BNC2: variants seen among roughly 807,000 people sequenced by gnomAD.
BNC2 encodes the protein zinc finger protein basonuclin-2.
A neutral mutation model predicts 76.3 loss-of-function variants in BNC2; 20 were observed. The observed-to-expected ratio is 0.26, with a 90% CI of 0.18 to 0.38. BNC2 has a LOEUF of 0.38. BNC2 is among the 10% of genes least tolerant of loss of function. The probability of loss-of-function intolerance (pLI) is 1.00; values close to 1 mark genes in which losing one functional copy is unlikely to be tolerated. For synonymous variants in BNC2, 582 were observed against 514.8 expected, an observed-to-expected ratio of 1.13 and a Z score of -1.77; for missense variants, 1,382 against 1,399.8, an observed-to-expected ratio of 0.99 and a Z score of 0.20.
chr9:16,579,508 C>T (rs572083473), intron 4 of BNC2, among the ~76,000 whole-genome samples: 41 of 152,224 alleles, frequency 2.7e-4, no homozygotes, highest in African/African-American at 9.2e-4. Context: ...GTCTTGAACT[C>T]CTGGGCTCAA....
At chr9:16,715,869 T>A (rs1823984058) in intron 3 of BNC2, among the ~76,000 whole-genome samples, 1 of 152,202 alleles carries the variant, frequency 6.6e-6, no homozygotes, top group Non-Finnish European at 1.5e-5. Flanking sequence ...GAAGAGGGTG[T>A]TCTCAGAACA....
intron 5 of BNC2, among the ~76,000 whole-genome samples, chr9:16,509,936 T>C (rs1206631155): frequency 6.6e-6 from 1 of 152,214 alleles, no homozygotes; most frequent in African/African-American, 2.4e-5. Flanking sequence ...TAAGGTGACT[T>C]TGAGTGCAAG....
intron 1 of BNC2, among the ~76,000 whole-genome samples, chr9:16,799,546 C>G (rs953339364): frequency 2.6e-5 from 4 of 152,092 alleles, no homozygotes; most frequent in African/African-American, 9.7e-5. Flanking sequence ...AACTCCTGAC[C>G]TCAAGTAATC....
chr9:16,746,340 A>G (rs1406776505), intron 1 of BNC2, among the ~76,000 whole-genome samples: 3 of 151,916 alleles, frequency 2.0e-5, no homozygotes, highest in African/African-American at 7.2e-5. Flanking sequence ...AACCCTATGA[A>G]TCTTATTAAA....
rs118110682 is a variant in BNC2 at position 16,830,186 on chromosome 9, G to T, written c.3+40460C>A. On this transcript the variant is annotated intron_variant, in intron 1 of 6. Transcript: ENST00000380672. ...AAAATATCTAACGGTTTTCCAACAT[G>T]GTATAAACAAAAAACAAAACTGCAT... Among the ~76,000 whole-genome samples the T allele has an allele frequency of 1.7e-3, 263 of 152,162 alleles. No individual in the cohort carries two copies. The East Asian group carries it at 0.032, about 18-fold the overall frequency.
At chr9:16,859,555 G>T (rs1047715877) in intron 1 of BNC2, among the ~76,000 whole-genome samples, 4 of 152,138 alleles carry the variant, frequency 2.6e-5, no homozygotes, top group African/African-American at 9.7e-5. Context: ...CAACATAAAT[G>T]AACCTTAAGA....
chr9:16,479,387 A>G (rs1821998474), intron 5 of BNC2, among the ~76,000 whole-genome samples: 1 of 152,218 alleles, frequency 6.6e-6, no homozygotes, highest in Admixed American at 6.5e-5. Flanking sequence ...TTCAACTGCT[A>G]TCTCTCATGC....
intron 5 of BNC2, among the ~76,000 whole-genome samples, chr9:16,551,690 A>G (rs1396663406): frequency 6.6e-6 from 1 of 152,200 alleles, no homozygotes; most frequent in Non-Finnish European, 1.5e-5. Flanking sequence ...GATCTCCCAA[A>G]ATGCTGTTCT....
intron 3 of BNC2, among the ~76,000 whole-genome samples, chr9:16,673,112 T>G (rs1822529133): frequency 6.6e-6 from 1 of 152,190 alleles, no homozygotes; most frequent in African/African-American, 2.4e-5. Flanking sequence ...CATTCTCATA[T>G]AAAAGATAAT....
intron 5 of BNC2, among the ~76,000 whole-genome samples, chr9:16,539,562 GGA>G (rs1178835255): frequency 3.0e-4 from 40 of 131,506 alleles, no homozygotes; most frequent in African/African-American, 9.4e-4. Flanking sequence ...AGGGGGAGGG[GGA>G]GAGAGAGAGA....
chr9:16,610,428 A>G (rs1381407400), intron 3 of BNC2, among the ~76,000 whole-genome samples: 1 of 152,164 alleles, frequency 6.6e-6, no homozygotes, highest in Admixed American at 6.5e-5. Context: ...GTATGACAAG[A>G]AAGCAGACTA....
chr9:16,675,811 A>G (rs1169387592), intron 3 of BNC2, among the ~76,000 whole-genome samples: 1 of 152,148 alleles, frequency 6.6e-6, no homozygotes, highest in Non-Finnish European at 1.5e-5. Context: ...TCACAAGGGA[A>G]GCCGAGGCAG....
chr9:16,852,448 A>G (rs1380533104), intron 1 of BNC2, among the ~76,000 whole-genome samples: 1 of 152,216 alleles, frequency 6.6e-6, no homozygotes, highest in Non-Finnish European at 1.5e-5. Flanking sequence ...CTATTGATAA[A>G]GAATCCGTTC....
intron 3 of BNC2, among the ~76,000 whole-genome samples, chr9:16,701,682 C>T (rs10962545): frequency 6.6e-6 from 1 of 152,014 alleles, no homozygotes; most frequent in Non-Finnish European, 1.5e-5. Context: ...TGGCTCACAC[C>T]TGTAATCCCA....
chr9:16,852,832 C>A (rs1229071243), intron 1 of BNC2, among the ~76,000 whole-genome samples: 1 of 152,084 alleles, frequency 6.6e-6, no homozygotes, highest in Admixed American at 6.6e-5. Flanking sequence ...CAGAGAAAAA[C>A]CCCATGCAAA....
chr9:16,757,724 G>GT (rs1554724020), intron 1 of BNC2, among the ~76,000 whole-genome samples: 1 of 109,814 alleles, frequency 9.1e-6, no homozygotes, highest in Admixed American at 7.9e-5. Context: ...ATTTTAAAAA[G>GT]AAAAAAAAAA....
intron 1 of BNC2, among the ~76,000 whole-genome samples, chr9:16,790,316 C>A (rs960537044): frequency 1.3e-5 from 2 of 152,126 alleles, no homozygotes; most frequent in African/African-American, 4.8e-5. Context: ...TTTTAATAAT[C>A]AACAGAAATA....
At position 16,436,757 on chromosome 9, in the gene BNC2, G is replaced by C; in HGVS notation, c.1437C>G (p.Val479=). The change falls in exon 6 of 7, where the codon GTC becomes GTG. Residue 479 remains valine, a synonymous_variant. Coordinates refer to ENST00000380672, the MANE Select transcript of BNC2 (RefSeq NM_017637.6). The stretch of plus-strand genomic sequence containing the variant: ...GATTACGACTTCGGAGGGAGCTAAA[G>C]ACCATGTTGCAACCTTCAATGGTGC... The part of the protein sequence containing the change: ...HRCTIEGCNM[V]FSSLRSRNRH... The C allele has an allele frequency of 1.9e-6, 3 of 1,614,180 alleles. No individual in the cohort carries two copies. Among genetic ancestry groups the C allele is most frequent in the South Asian group, 1.1e-5 (1 of 91,070 alleles).
intron 5 of BNC2, among the ~76,000 whole-genome samples, chr9:16,467,442 A>T (rs1821717656): frequency 6.9e-6 from 1 of 144,640 alleles, no homozygotes. Flanking sequence ...CAAATGTCCA[A>T]CAATGATAGA....
Sources: gnomAD v4.1 joint callset for allele counts (sites outside exome capture counted in the v4.1 genomes callset) on GRCh38, gnomAD v4.1.1 for gene constraint, MANE v1.5 for transcripts, NCBI Gene and HGNC (gene_info 2026-07-23, HGNC 2026-07-21) for gene names.